Variants in CNTN4 observed in about 807,000 individuals in gnomAD.
CNTN4 encodes the protein contactin 4.
A neutral mutation model predicts 122.5 loss-of-function variants in CNTN4; 77 were observed. The ratio of observed to expected loss-of-function variants is 0.63; its 90% CI spans 0.52 to 0.76. The LOEUF is 0.76. Among genes scored for constraint, CNTN4 ranks in the 30% least tolerant of loss-of-function variants. The probability of loss-of-function intolerance (pLI) is 0.00; values close to 1 mark genes in which losing one functional copy is unlikely to be tolerated. For synonymous variants in CNTN4, 512 were observed against 447.0 expected, an observed-to-expected ratio of 1.15 and a Z score of -1.83; for missense variants, 1,256 against 1,259.1, an observed-to-expected ratio of 1.00 and a Z score of 0.04.
chr3:2,768,065 G>C (rs1172793788), intron 6 of CNTN4, among the ~76,000 whole-genome samples: 1 of 152,212 alleles, frequency 6.6e-6, no homozygotes, highest in Non-Finnish European at 1.5e-5. Context: ...CAGAGTGGCA[G>C]TTAGAGATGA....
chr3:2,680,870 T>C (rs930599888), intron 4 of CNTN4, among the ~76,000 whole-genome samples: 2 of 152,192 alleles, frequency 1.3e-5, no homozygotes, highest in African/African-American at 4.8e-5. Context: ...TGGTGGTAGA[T>C]TGACAAGTAC....
At chr3:3,055,031 T>C (rs746897817) in intron 24 of CNTN4, among the ~76,000 whole-genome samples, 2 of 152,224 alleles carry the variant, frequency 1.3e-5, no homozygotes, top group Non-Finnish European at 2.9e-5. Context: ...TCCTGACTTT[T>C]AGCCATGTGA....
intron 14 of CNTN4, among the ~76,000 whole-genome samples, chr3:3,012,080 A>T (rs1400691789): frequency 6.6e-6 from 1 of 152,182 alleles, no homozygotes; most frequent in African/African-American, 2.4e-5. Flanking sequence ...TAAAATTTGC[A>T]TCCAGATTTT....
At position 2,593,242 on chromosome 3, in the gene CNTN4, G is replaced by A. The variant is rs962192061; in HGVS notation, c.55+21684G>A. ...TTTTGTATTTTGGTGGTTGTTGACTGGCTAATAGCTAATAAGTCAATGTCA... is the reference window on the plus strand; with the variant it reads ...TTTTGTATTTTGGTGGTTGTTGACTAGCTAATAGCTAATAAGTCAATGTCA... On this transcript the variant is annotated intron_variant, in intron 4 of 24. Coordinates refer to ENST00000418658, the MANE Select transcript of CNTN4 (RefSeq NM_175607.3). 3.9e-5 allele frequency among the ~76,000 whole-genome samples: 6 copies of A among 152,168 alleles called. No individual in the cohort carries two copies. In the South Asian group the frequency reaches 1.2e-3, roughly 32 times the overall value.
At chr3:2,886,861 CTAAA>C (rs980528470) in intron 9 of CNTN4, among the ~76,000 whole-genome samples, 175 bp from the exon 10 acceptor site, 2 of 151,998 alleles carry the variant, frequency 1.3e-5, no homozygotes, top group African/African-American at 4.8e-5. Flanking sequence ...TTTAAGAACA[CTAAA>C]TAAGTAATGC....
At chr3:2,552,718 G>T (rs1309112751) in intron 3 of CNTN4, among the ~76,000 whole-genome samples, 3 of 152,156 alleles carry the variant, frequency 2.0e-5, no homozygotes, top group Admixed American at 2.0e-4. Context: ...GCAGGTATGG[G>T]GTGGAGAAAA....
intron 10 of CNTN4, among the ~76,000 whole-genome samples, chr3:2,892,018 G>T (rs2094047292): frequency 6.6e-6 from 1 of 152,180 alleles, no homozygotes; most frequent in Admixed American, 6.6e-5. Flanking sequence ...AGAGCCAATA[G>T]GATATGCTCA....
At chr3:2,256,852 T>A (rs1357469832) in intron 2 of CNTN4, among the ~76,000 whole-genome samples, 2 of 152,030 alleles carry the variant, frequency 1.3e-5, no homozygotes, top group African/African-American at 4.8e-5. Context: ...ATCATGAAAA[T>A]GGCCATAAGG....
At chr3:2,885,229 C>T (rs2093958532) in intron 9 of CNTN4, among the ~76,000 whole-genome samples, 2 of 152,214 alleles carry the variant, frequency 1.3e-5, no homozygotes, top group South Asian at 4.1e-4. Flanking sequence ...CAGCCACAAT[C>T]TTAAAAGCTG....
At position 2,310,937 on chromosome 3, in the gene CNTN4, GA is replaced by G. The variant is rs751376299; in HGVS notation, c.-144-28237del. Reference sequence around the variant, plus strand: ...TCTTTCAAAGCAGTAGATGTGTTTTGAAAATTTCACATTTGATTTATAAACA... The same window carrying G: ...TCTTTCAAAGCAGTAGATGTGTTTTGAAATTTCACATTTGATTTATAAACA... On this transcript the variant is annotated intron_variant, in intron 2 of 24. Coordinates refer to ENST00000418658, the MANE Select transcript of CNTN4 (RefSeq NM_175607.3). Among the ~76,000 whole-genome samples, 302 of 152,088 alleles carry G rather than the reference GA, an allele frequency of 2.0e-3. 2 individuals carry two copies. Among genetic ancestry groups the G allele is most frequent in the Non-Finnish European group, 2.8e-3 (193 of 67,954 alleles).
At chr3:2,342,939 C>G (rs2044262708) in intron 3 of CNTN4, among the ~76,000 whole-genome samples, 1 of 152,146 alleles carries the variant, frequency 6.6e-6, no homozygotes, top group Admixed American at 6.5e-5. Context: ...TGCAAGCGGG[C>G]AGTGACTGAC....
chr3:2,657,936 A>G (rs2083672199), intron 4 of CNTN4, among the ~76,000 whole-genome samples: 1 of 150,854 alleles, frequency 6.6e-6, no homozygotes, highest in Non-Finnish European at 1.5e-5. Flanking sequence ...GCTTGTTCTG[A>G]CACCTGAATA....
In CNTN4 at chr3:2,499,082, C is replaced by T. The variant is rs552458391; in HGVS notation, c.-88-72334C>T. On this transcript the variant is annotated intron_variant, in intron 3 of 24. Coordinates refer to ENST00000418658, the MANE Select transcript of CNTN4 (RefSeq NM_175607.3). ...GGGATTACAGGCGTAAGCCACTACA[C>T]CTGGCTTGATGGTGCTTTTGGTATC... Among the ~76,000 whole-genome samples, 372 of 152,340 alleles carry T rather than the reference C, an allele frequency of 2.4e-3. 1 individual carries two copies. Among genetic ancestry groups the T allele is most frequent in the Non-Finnish European group, 3.9e-3 (264 of 68,032 alleles).
At chr3:2,275,371 C>G (rs1194474900) in intron 2 of CNTN4, among the ~76,000 whole-genome samples, 1 of 152,112 alleles carries the variant, frequency 6.6e-6, no homozygotes, top group African/African-American at 2.4e-5. Flanking sequence ...ATTAGACATC[C>G]TCATAACTAT....
At chr3:2,984,993 A>T (rs747046987) in intron 13 of CNTN4, among the ~76,000 whole-genome samples, 1 of 152,268 alleles carries the variant, frequency 6.6e-6, no homozygotes, top group African/African-American at 2.4e-5. Flanking sequence ...TTGTCAGTGC[A>T]TCTGCTCCTT....
At chr3:2,583,990 G>A (rs1043366456) in intron 4 of CNTN4, among the ~76,000 whole-genome samples, 4 of 152,112 alleles carry the variant, frequency 2.6e-5, no homozygotes, top group Admixed American at 6.5e-5. Flanking sequence ...TCATGGTCCT[G>A]GGGCTGAGAA....
chr3:2,987,763 G>A (rs113659018), intron 13 of CNTN4, among the ~76,000 whole-genome samples: 2 of 152,208 alleles, frequency 1.3e-5, no homozygotes, highest in African/African-American at 4.8e-5. Flanking sequence ...GGGGCCTGAG[G>A]TTTGCCATCC....
At chr3:2,668,558 T>C (rs527830637) in intron 4 of CNTN4, among the ~76,000 whole-genome samples, 1 of 152,324 alleles carries the variant, frequency 6.6e-6, no homozygotes, top group Non-Finnish European at 1.5e-5. Context: ...TTTGACTTCC[T>C]CTTTTCCTAA....
At chr3:2,631,317 A>G (rs1207067352) in intron 4 of CNTN4, among the ~76,000 whole-genome samples, 1 of 152,218 alleles carries the variant, frequency 6.6e-6, no homozygotes, top group East Asian at 1.9e-4. Flanking sequence ...CAGTTAACAG[A>G]ATGCTTCTGT....
Sources: gnomAD v4.1 joint callset for allele counts (sites outside exome capture counted in the v4.1 genomes callset) on GRCh38, gnomAD v4.1.1 for gene constraint, MANE v1.5 for transcripts, NCBI Gene and HGNC (gene_info 2026-07-23, HGNC 2026-07-21) for gene names.